Variants in SCAMP1 observed in about 807,000 individuals in gnomAD.
SCAMP1 encodes secretory carrier-associated membrane protein 1.
A neutral mutation model predicts 41.8 loss-of-function variants in SCAMP1; 15 were observed. The ratio of observed to expected loss-of-function variants is 0.36; its 90% confidence interval spans 0.24 to 0.55. SCAMP1 has a LOEUF of 0.55. SCAMP1 is among the 20% of genes least tolerant of loss of function. SCAMP1 has a pLI of 0.86. For synonymous variants in SCAMP1, 135 were observed against 136.8 expected, an observed-to-expected ratio of 0.99 and a Z score of 0.09; for missense variants, 341 against 412.6, an observed-to-expected ratio of 0.83 and a Z score of 1.50.
chr5:78,391,643 G>A (rs1190004602), intron 2 of SCAMP1, among the ~76,000 whole-genome samples: 14 of 152,226 alleles, frequency 9.2e-5, no homozygotes, highest in Non-Finnish European at 1.9e-4. Context: ...CACTTTGGGA[G>A]GCCAAGGCAG....
In SCAMP1 at chr5:78,412,219, C is replaced by G. The variant is rs556912680; in HGVS notation, c.136-3301C>G. Among the ~76,000 whole-genome samples the G allele has an allele frequency of 3.3e-5, 5 of 152,014 alleles. No homozygotes were observed. The South Asian group carries it at 1.0e-3, about 32-fold the overall frequency. On this transcript the variant is annotated intron_variant, in intron 2 of 8. Coordinates refer to ENST00000621999, the MANE Select transcript of SCAMP1 (RefSeq NM_004866.6). ...ATGAATGCTTTATATCATCAAATTT[C>G]TAAATTTTTATGTGGTCAAATATAT... is the stretch of plus-strand genomic sequence containing the variant.
chr5:78,424,595 G>A (rs1386470569), intron 6 of SCAMP1, among the ~76,000 whole-genome samples: 3 of 152,012 alleles, frequency 2.0e-5, no homozygotes, highest in South Asian at 2.1e-4. Context: ...GCTGAGTATC[G>A]TGGCATGTTT....
chr5:78,465,315 C>T (rs116389689), intron 8 of SCAMP1, among the ~76,000 whole-genome samples: 2,127 of 152,272 alleles, frequency 0.014, 46 homozygotes, highest in African/African-American at 0.042. Context: ...AACCATACAA[C>T]TCAGGTTGAA....
intron 8 of SCAMP1, among the ~76,000 whole-genome samples, chr5:78,460,797 C>T (rs868228460): frequency 0.019 from 1,025 of 54,108 alleles, 127 homozygotes; most frequent in African/African-American, 0.094. Context: ...TCCTTCCTTC[C>T]TTCCTTCCTC....
intron 2 of SCAMP1, among the ~76,000 whole-genome samples, chr5:78,394,348 A>G (rs1476391410): frequency 6.6e-6 from 1 of 151,940 alleles, no homozygotes; most frequent in Middle Eastern, 3.2e-3. Context: ...TTATATATAT[A>G]TATATTACAA....
chr5:78,447,230 T>A (rs1157791751), intron 6 of SCAMP1, among the ~76,000 whole-genome samples: 1 of 152,240 alleles, frequency 6.6e-6, no homozygotes, highest in Non-Finnish European at 1.5e-5. Flanking sequence ...GGACCACTGC[T>A]TTAATGTATT....
At chr5:78,454,985 T>C (rs1478268582) in intron 7 of SCAMP1, among the ~76,000 whole-genome samples, 1 of 152,098 alleles carries the variant, frequency 6.6e-6, no homozygotes, top group African/African-American at 2.4e-5. Flanking sequence ...GTGTTTGTAG[T>C]ATTCTCTGAT....
At chr5:78,423,348 T>TA (rs1297811887) in intron 6 of SCAMP1, among the ~76,000 whole-genome samples, 1 of 152,204 alleles carries the variant, frequency 6.6e-6, no homozygotes, top group Admixed American at 6.5e-5. Context: ...GGAACATAGT[T>TA]ACTCCTTGCA....
chr5:78,388,771 G>T (rs1289526404), intron 1 of SCAMP1, 66 bp from the exon 2 acceptor site: 1 of 851,280 alleles, frequency 1.2e-6, no homozygotes, highest in East Asian at 2.7e-5. Flanking sequence ...CAAATGGTAT[G>T]TAAATATCAA....
chr5:78,468,087 A>G (rs1390158988), intron 8 of SCAMP1, among the ~76,000 whole-genome samples: 1 of 152,124 alleles, frequency 6.6e-6, no homozygotes, highest in Non-Finnish European at 1.5e-5. Flanking sequence ...TGAAGTGAAT[A>G]GGATTTTGGT....
chr5:78,390,994 C>T (rs1394168938), intron 2 of SCAMP1, among the ~76,000 whole-genome samples: 2 of 150,820 alleles, frequency 1.3e-5, no homozygotes, highest in Non-Finnish European at 3.0e-5. Flanking sequence ...AACAGGATCC[C>T]AAGGCAGAAG....
chr5:78,425,777 GATTTA>G (rs1283195558), intron 6 of SCAMP1, among the ~76,000 whole-genome samples: 1 of 151,674 alleles, frequency 6.6e-6, no homozygotes, highest in East Asian at 1.9e-4. Flanking sequence ...AAAATTCAAT[GATTTA>G]TTTTATTTTA....
rs545913610 is a variant in SCAMP1 at position 78,473,524 on chromosome 5, G to A, written c.853-1980G>A. Among the ~76,000 whole-genome samples the A allele has an allele frequency of 2.9e-3, 442 of 152,222 alleles. 1 individual carries two copies. The highest frequency in any genetic ancestry group is 5.0e-3 in the Non-Finnish European group (339 of 67,994). ...GGATACATGTGCAGGTTTGTTACAA[G>A]GGTATATTATGTGATACTGAGGTTT... On this transcript the variant is annotated intron_variant, in intron 8 of 8. Coordinates refer to ENST00000621999, the MANE Select transcript of SCAMP1 (RefSeq NM_004866.6).
intron 1 of SCAMP1, among the ~76,000 whole-genome samples, chr5:78,367,145 G>A (rs896860030): frequency 3.9e-5 from 6 of 152,004 alleles, no homozygotes; most frequent in African/African-American, 1.2e-4. Context: ...TTTTCCTCAT[G>A]TTAATGTTTT....
intron 1 of SCAMP1, among the ~76,000 whole-genome samples, chr5:78,361,479 G>A (rs1482710347): frequency 6.6e-6 from 1 of 152,154 alleles, no homozygotes; most frequent in Non-Finnish European, 1.5e-5. Flanking sequence ...CGGTTCTCTG[G>A]GCTATGTGAG....
At chr5:78,417,434 A>AT (rs1752236318) in intron 4 of SCAMP1, among the ~76,000 whole-genome samples, 5 of 152,232 alleles carry the variant, frequency 3.3e-5, no homozygotes, top group Admixed American at 1.3e-4. Flanking sequence ...ACTGGGACCA[A>AT]TGTTTCTGAA....
intron 2 of SCAMP1, among the ~76,000 whole-genome samples, chr5:78,391,402 CG>C (rs1303723393): frequency 6.6e-6 from 1 of 150,884 alleles, no homozygotes; most frequent in African/African-American, 2.4e-5. Flanking sequence ...GCTGGCCTGG[CG>C]GGGGGCTGAC....
At chr5:78,391,833 C>T (rs933985203) in intron 2 of SCAMP1, among the ~76,000 whole-genome samples, 3 of 152,176 alleles carry the variant, frequency 2.0e-5, no homozygotes, top group African/African-American at 7.2e-5. Context: ...AGCAAAACCC[C>T]GTCTCCACCA....
intron 1 of SCAMP1, 77 bp downstream of exon 1, chr5:78,360,805 A>T: frequency 7.1e-7 from 1 of 1,408,002 alleles, no homozygotes; most frequent in South Asian, 1.2e-5. Flanking sequence ...CTTCGCGCCC[A>T]CTGCGTCTGC....
Sources: gnomAD v4.1 joint callset for allele counts (sites outside exome capture counted in the v4.1 genomes callset) on GRCh38, gnomAD v4.1.1 for gene constraint, MANE v1.5 for transcripts, NCBI Gene and HGNC (gene_info 2026-07-23, HGNC 2026-07-21) for gene names.